The following UMODL1 variants were observed in gnomAD, a reference collection of about 807,000 sequenced individuals.
The protein encoded by UMODL1 is uromodulin-like 1.
In UMODL1, 128 loss-of-function variants were observed where a neutral mutation model predicts 136.3. The observed-to-expected ratio is 0.94, with a 90% CI of 0.81 to 1.09. The LOEUF (loss-of-function observed/expected upper bound fraction) is 1.09. UMODL1 is among the 50% of genes least tolerant of loss of function. The pLI, the probability that UMODL1 is intolerant of heterozygous loss-of-function variation, is 0.00. For synonymous variants in UMODL1, 721 were observed against 720.0 expected, an observed-to-expected ratio of 1.00 and a Z score of -0.02; for missense variants, 1,766 against 1,725.6, an observed-to-expected ratio of 1.02 and a Z score of -0.41.
At chr21:42,101,933 T>G in intron 7 of UMODL1, 3 of 427,442 alleles carry the variant, frequency 7.0e-6, no homozygotes, top group Non-Finnish European at 1.3e-5. Context: ...GTATGGGCTG[T>G]GTGTGACGTT....
At chr21:42,127,942 C>T (rs2067083891) in intron 20 of UMODL1, 111 bp downstream of exon 20, 1 of 1,417,896 alleles carries the variant, frequency 7.1e-7, no homozygotes, top group East Asian at 2.3e-5. Context: ...GGGCCAACCT[C>T]TGGGAGGAGT....
intron 6 of UMODL1, among the ~76,000 whole-genome samples, chr21:42,094,714 G>T (rs7281115): frequency 0.11 from 16,007 of 152,188 alleles, 1,071 homozygotes; most frequent in African/African-American, 0.19. Flanking sequence ...ATACCCCAAG[G>T]TCTGTCCAAC....
intron 22 of UMODL1, among the ~76,000 whole-genome samples, chr21:42,140,389 G>T (rs1485470648): frequency 3.9e-5 from 4 of 103,418 alleles, no homozygotes; most frequent in Non-Finnish European, 9.1e-5. Context: ...AGGAAGGGAT[G>T]TGTCCCAGGT....
At chr21:42,102,378 T>C (rs1168093592) in intron 8 of UMODL1, 100 bp downstream of exon 8, 1 of 912,512 alleles carries the variant, frequency 1.1e-6, no homozygotes, top group South Asian at 1.7e-5. Context: ...TCTGGGATTG[T>C]GGCAAAAATA....
At chr21:42,091,793 G>A (rs749875847) in intron 6 of UMODL1, among the ~76,000 whole-genome samples, 15 of 152,210 alleles carry the variant, frequency 9.9e-5, no homozygotes, top group African/African-American at 1.9e-4. Context: ...TGAGTTGGAC[G>A]CGTGGTGCTG....
chr21:42,070,505 G>A (rs1206344133), upstream of UMODL1, among the ~76,000 whole-genome samples: 1 of 152,230 alleles, frequency 6.6e-6, no homozygotes, highest in Non-Finnish European at 1.5e-5. Flanking sequence ...CCTTTCTGGA[G>A]TTTTCTCCAT....
chr21:42,112,395 G>A (rs1016762760), intron 12 of UMODL1, among the ~76,000 whole-genome samples: 4 of 150,286 alleles, frequency 2.7e-5, no homozygotes, highest in African/African-American at 9.9e-5. Context: ...CAGTTGTTCT[G>A]CATCTCCCCA....
In UMODL1 at chr21:42,122,758, C is replaced by T. The variant is rs1569171447; in HGVS notation, c.2828-73C>T. On this transcript the variant is annotated intron_variant, in intron 16 of 22. Transcript: ENST00000408910. The surrounding 1 kb of genome is among the most constrained non-coding windows in gnomAD (Gnocchi z 4.3). ...GAGTGCAGGGCAGCTCCAGTCTGCT[C>T]CTTACCCCTGCCCCTCCATGCCAAC... 1 of 1,472,824 alleles carries T rather than the reference C, an allele frequency of 6.8e-7. No homozygotes were observed. Among genetic ancestry groups the T allele is most frequent in the South Asian group, 1.4e-5 (1 of 72,766 alleles). 91.2% of individuals were successfully genotyped at this position (1,472,824 alleles called of 1,614,324 possible).
chr21:42,113,579 T>G lies in UMODL1; in HGVS notation c.2111T>G (p.Val704Gly), dbSNP rs371535347. 1 of 1,610,522 alleles carries G rather than the reference T, an allele frequency of 6.2e-7. No individual in the cohort carries two copies. Among genetic ancestry groups the G allele is most frequent in the Non-Finnish European group, 8.5e-7 (1 of 1,177,202 alleles). The change falls in exon 13 of 23, where the codon GTC (valine) becomes GGC (glycine). Residue 704 changes from valine (V) to glycine (G), a missense_variant. Coordinates refer to ENST00000408910, the MANE Select transcript of UMODL1 (RefSeq NM_001004416.3). ...TALKTPACVP[V>G]SIGRIMVSNV... ...TTTATATTCCACTTCCCAGTTCCTG[T>G]CTCCATTGGGAGGATCATGGTCTCC...
intron 2 of UMODL1, among the ~76,000 whole-genome samples, chr21:42,079,734 G>T (rs1335819734): frequency 6.6e-6 from 1 of 152,240 alleles, no homozygotes; most frequent in African/African-American, 2.4e-5. Flanking sequence ...GGGGATCCAG[G>T]CTAGGGGAGG....
At chr21:42,141,782 C>T (rs1056825876) in intron 22 of UMODL1, among the ~76,000 whole-genome samples, 16 of 152,086 alleles carry the variant, frequency 1.1e-4, no homozygotes, top group African/African-American at 3.9e-4. Context: ...GGGTTCTCCA[C>T]GGATGGTGCA....
chr21:42,111,480 A>G, intron 11 of UMODL1, 26 bp from the exon 12 acceptor site: 1 of 1,613,874 alleles, frequency 6.2e-7, no homozygotes. Flanking sequence ...GGGGCCACAG[A>G]TGGCCCACTG....
intron 6 of UMODL1, among the ~76,000 whole-genome samples, chr21:42,098,328 G>A (rs531642036): frequency 5.9e-4 from 90 of 152,152 alleles, no homozygotes; most frequent in Non-Finnish European, 1.1e-3. Context: ...TTCAACTTCA[G>A]ACCTCTTGCT....
intron 1 of UMODL1, among the ~76,000 whole-genome samples, chr21:42,073,795 C>T (rs534241978): frequency 6.6e-6 from 1 of 150,690 alleles, no homozygotes; most frequent in South Asian, 2.1e-4. Context: ...TTTCTGCTCC[C>T]ATCTCTGTGT....
chr21:42,086,394 A>G (rs771821498), intron 4 of UMODL1: 3 of 385,040 alleles, frequency 7.8e-6, no homozygotes, highest in African/African-American at 6.2e-5. Context: ...CCGTTAGACT[A>G]AGCTGGCTGG....
At position 42,088,388 on chromosome 21, in the gene UMODL1, G is replaced by A; in HGVS notation, c.698G>A (p.Gly233Asp). Reference sequence around the variant, plus strand: ...ACCACAGTGTCGCGGCTGCTACTGGGCCTGCCACGGCCACTGCCTGTGGCT... The same window carrying A: ...ACCACAGTGTCGCGGCTGCTACTGGACCTGCCACGGCCACTGCCTGTGGCT... ...ASTTVSRLLLGLPRPLPVADV... is the reference protein window; with the variant it reads ...ASTTVSRLLLDLPRPLPVADV... The change falls in exon 5 of 23, where the codon GGC becomes GAC. Residue 233 changes from glycine to aspartate, a missense_variant. Physicochemically the swap from Gly to Asp is moderately conservative, Grantham distance 94. Transcript: ENST00000408910. 6.2e-7 allele frequency: 1 copy of A among 1,613,458 alleles called. No homozygotes were observed. Among genetic ancestry groups the A allele is most frequent in the Admixed American group, 1.7e-5 (1 of 60,018 alleles).
At chr21:42,141,709 C>T (rs1028874828) in intron 22 of UMODL1, among the ~76,000 whole-genome samples, 4 of 152,202 alleles carry the variant, frequency 2.6e-5, no homozygotes, top group African/African-American at 7.2e-5. Context: ...TCAGCCAACC[C>T]ACCCACCCCC....
At chr21:42,074,197 G>C (rs908087863) in intron 1 of UMODL1, among the ~76,000 whole-genome samples, 8 of 152,200 alleles carry the variant, frequency 5.3e-5, no homozygotes, top group Non-Finnish European at 7.4e-5. Context: ...CGGGCCTCCA[G>C]CTTCTGGAGC....
intron 10 of UMODL1, among the ~76,000 whole-genome samples, chr21:42,110,252 CG>C (rs1323078109): frequency 1.3e-5 from 2 of 152,210 alleles, no homozygotes; most frequent in East Asian, 3.9e-4. Context: ...GAGGAGGCCA[CG>C]TAGGGACCTA....
Sources: gnomAD v4.1 joint callset for allele counts (sites outside exome capture counted in the v4.1 genomes callset) on GRCh38, gnomAD v4.1.1 for gene constraint, Gnocchi (gnomAD v3.1) non-coding constraint, MANE v1.5 for transcripts, NCBI Gene and HGNC (gene_info 2026-07-23, HGNC 2026-07-21) for gene names.